NFKB1: variants seen among roughly 807,000 people sequenced by gnomAD.
The protein encoded by NFKB1 is nuclear factor NF-kappa-B p105 subunit.
A neutral mutation model predicts 105.1 loss-of-function variants in NFKB1; 9 were observed. The ratio of observed to expected loss-of-function variants is 0.09; its 90% CI spans 0.05 to 0.15. NFKB1 has a LOEUF of 0.15. Ranked by LOEUF, NFKB1 falls within the 10% of genes least tolerant of loss-of-function variation. The pLI is 1.00. For missense variants in NFKB1, 830 were observed against 1,203.7 expected (o/e 0.69, Z 4.59); for synonymous variants, 440 against 442.2 (o/e 1.00, Z 0.06).
chr4:102,559,930 C>T (rs747554488), intron 5 of NFKB1, among the ~76,000 whole-genome samples: 10 of 148,746 alleles, frequency 6.7e-5, no homozygotes, highest in Non-Finnish European at 1.5e-4. Flanking sequence ...AGAGCAAGAC[C>T]CTGTCCCTTT....
intron 1 of NFKB1, among the ~76,000 whole-genome samples, chr4:102,518,805 T>C (rs1320879545): frequency 6.6e-6 from 1 of 152,184 alleles, no homozygotes; most frequent in Non-Finnish European, 1.5e-5. Context: ...GAGCCTCAGC[T>C]AGGACTGCCT....
intron 1 of NFKB1, among the ~76,000 whole-genome samples, chr4:102,504,478 A>G (rs185947357): frequency 1.1e-3 from 161 of 152,310 alleles, no homozygotes; most frequent in African/African-American, 3.8e-3. Context: ...TGAATTGTCT[A>G]CAGTAGTGGG....
At chr4:102,597,303 CTTT>C (rs1669784211) in intron 14 of NFKB1, among the ~76,000 whole-genome samples, 1 of 152,210 alleles carries the variant, frequency 6.6e-6, no homozygotes, top group Non-Finnish European at 1.5e-5. Flanking sequence ...TACACAGATT[CTTT>C]AAGATCAATC....
intron 19 of NFKB1, among the ~76,000 whole-genome samples, chr4:102,610,066 G>T (rs1257192593): frequency 1.3e-5 from 2 of 152,180 alleles, no homozygotes; most frequent in Non-Finnish European, 2.9e-5. Flanking sequence ...TTTATTTAAA[G>T]ATCAGAACCC....
intron 1 of NFKB1, among the ~76,000 whole-genome samples, chr4:102,503,982 G>T (rs1420668842): frequency 6.6e-6 from 1 of 152,196 alleles, no homozygotes; most frequent in African/African-American, 2.4e-5. Context: ...CTACATGAAT[G>T]TTGGACTATC....
chr4:102,561,275 T>TG (rs367847805), intron 5 of NFKB1, among the ~76,000 whole-genome samples: 6,243 of 109,752 alleles, frequency 0.057, 127 homozygotes, highest in African/African-American at 0.068. Context: ...CTTTTTTTTT[T>TG]TTTTTTTGTG....
intron 23 of NFKB1, among the ~76,000 whole-genome samples, chr4:102,613,992 G>A (rs919236565): frequency 6.6e-6 from 1 of 152,088 alleles, no homozygotes; most frequent in African/African-American, 2.4e-5. Flanking sequence ...GCCACCAAAA[G>A]TCTCGCAACC....
At chr4:102,537,653 T>C in intron 4 of NFKB1, 1 of 415,760 alleles carries the variant, frequency 2.4e-6, no homozygotes, top group Non-Finnish European at 4.4e-6. Context: ...AGCCATATCT[T>C]AGTGTACAAA....
chr4:102,522,726 A>G (rs1740650835), intron 1 of NFKB1, among the ~76,000 whole-genome samples: 1 of 152,188 alleles, frequency 6.6e-6, no homozygotes, highest in South Asian at 2.1e-4. Context: ...ATAGGCTAAT[A>G]TTATTTATGA....
At chr4:102,551,367 T>TGTGTGTGTGTGTGTGCACGC (rs370790173) in intron 5 of NFKB1, among the ~76,000 whole-genome samples, 1 of 150,094 alleles carries the variant, frequency 6.7e-6, no homozygotes, top group African/African-American at 2.4e-5. Context: ...TGTGTGTGTG[T>TGTGTGTGTGTGTGTGCACGC]GCGCGCGCGC....
chr4:102,549,706 C>T (rs766377542), intron 5 of NFKB1, among the ~76,000 whole-genome samples: 38 of 152,202 alleles, frequency 2.5e-4, no homozygotes, highest in East Asian at 1.7e-3. Flanking sequence ...CCCCACCAAT[C>T]TGCTCTGCCT....
At chr4:102,547,323 GA>G (rs1722216624) in intron 5 of NFKB1, among the ~76,000 whole-genome samples, 1 of 152,216 alleles carries the variant, frequency 6.6e-6, no homozygotes, top group South Asian at 2.1e-4. Context: ...AGGTACAAAA[GA>G]AGGAGTAAGA....
At chr4:102,549,675 C>G (rs1311765284) in intron 5 of NFKB1, among the ~76,000 whole-genome samples, 1 of 151,922 alleles carries the variant, frequency 6.6e-6, no homozygotes, top group Non-Finnish European at 1.5e-5. Flanking sequence ...TTAACATATT[C>G]ACAACTGAAT....
At chr4:102,560,673 A>T (rs1463569173) in intron 5 of NFKB1, among the ~76,000 whole-genome samples, 2 of 152,176 alleles carry the variant, frequency 1.3e-5, no homozygotes, top group Non-Finnish European at 1.5e-5. Flanking sequence ...GAAGACTCAT[A>T]ATGAATTCCA....
At position 102,600,139 on chromosome 4, in the gene NFKB1, A is replaced by T. The variant is rs369510776; in HGVS notation, c.1638-756A>T. On this transcript the variant is annotated intron_variant, in intron 15 of 23. Coordinates refer to ENST00000226574, the MANE Select transcript of NFKB1 (RefSeq NM_003998.4). ...ACCAAGCAGTAAATTTGAGAGGGAC[A>T]ACTTGCTCCACCTAGGAGGTTAGGA... is the stretch of plus-strand genomic sequence containing the variant. Among the ~76,000 whole-genome samples, 30 of 152,320 alleles carry T rather than the reference A, an allele frequency of 2.0e-4. 1 individual carries two copies. In the South Asian group the frequency reaches 5.8e-3, roughly 29 times the overall value.
chr4:102,616,390 G>A lies in NFKB1; in HGVS notation c.2750-44G>A, dbSNP rs781197590. 1.1e-5 allele frequency: 18 copies of A among 1,605,174 alleles called. No individual in the cohort carries two copies. In the East Asian group the frequency reaches 3.3e-4, roughly 30 times the overall value. On this transcript the variant is annotated intron_variant, in intron 23 of 23. Transcript: ENST00000226574. Reference sequence around the variant, plus strand: ...CACAGAATAGTCCATGAGCTTTTTAGAGCCCGGCCATTCCCCCAGTGAATT... The same window carrying A: ...CACAGAATAGTCCATGAGCTTTTTAAAGCCCGGCCATTCCCCCAGTGAATT...
In NFKB1 at chr4:102,523,195, C is replaced by T. The variant is rs75009947; in HGVS notation, c.-7-2317C>T. 7.4e-3 allele frequency among the ~76,000 whole-genome samples: 1,124 copies of T among 152,244 alleles called. 15 individuals are homozygous for T. Among genetic ancestry groups the T allele is most frequent in the African/African-American group, 0.026 (1,085 of 41,540 alleles). ...CATGATAGAACTCTTAAATTTCAAG[C>T]GACTTACCCTCTTTACTCTATCAGG... On this transcript the variant is annotated intron_variant, in intron 1 of 23. Transcript: ENST00000226574.
At chr4:102,584,588 GA>G in intron 10 of NFKB1, 93 bp from the exon 11 acceptor site, 1 of 1,283,286 alleles carries the variant, frequency 7.8e-7, no homozygotes, top group Non-Finnish European at 1.0e-6. Flanking sequence ...TGGGTATAAA[GA>G]AAAGCATAAG....
chr4:102,549,129 A>T (rs970619310), intron 5 of NFKB1, among the ~76,000 whole-genome samples: 1 of 152,120 alleles, frequency 6.6e-6, no homozygotes, highest in Non-Finnish European at 1.5e-5. Context: ...GAAATACTCA[A>T]TTAGTATAGA....
Sources: gnomAD v4.1 joint callset for allele counts (sites outside exome capture counted in the v4.1 genomes callset) on GRCh38, gnomAD v4.1.1 for gene constraint, MANE v1.5 for transcripts, NCBI Gene and HGNC (gene_info 2026-07-23, HGNC 2026-07-21) for gene names.